MCC: variants seen among roughly 807,000 people sequenced by gnomAD.
MCC encodes colorectal mutant cancer protein.
A neutral mutation model predicts 116.2 loss-of-function variants in MCC; 90 were observed. The ratio of observed to expected loss-of-function variants is 0.77; its 90% confidence interval spans 0.65 to 0.92. The LOEUF (loss-of-function observed/expected upper bound fraction) is 0.92, where lower values mean the gene tolerates loss of function less well. MCC is among the 40% of genes least tolerant of loss of function. The pLI is 0.00. For synonymous variants in MCC, 578 were observed against 510.5 expected, an observed-to-expected ratio of 1.13 and a Z score of -1.78; for missense variants, 1,516 against 1,312.2, an observed-to-expected ratio of 1.16 and a Z score of -2.40.
At chr5:113,047,893 C>T (rs1187565333) in intron 16 of MCC, among the ~76,000 whole-genome samples, 1 of 152,000 alleles carries the variant, frequency 6.6e-6, no homozygotes, top group East Asian at 1.9e-4. Flanking sequence ...ATTCTATCAC[C>T]AGACAGCCTG....
At chr5:113,196,127 G>A (rs1762392360) in intron 3 of MCC, among the ~76,000 whole-genome samples, 1 of 152,232 alleles carries the variant, frequency 6.6e-6, no homozygotes, top group African/African-American at 2.4e-5. Context: ...CATGCTGGGA[G>A]TCACTTCTAT....
Position 113,214,395 on chromosome 5 carries a change from G to A in MCC, c.628-62973C>T, listed in dbSNP as rs563019934. ...AACTCCATGAACTGAGTTGCCTTGCGTGTTCATTCGCTGCGCTCCTATACT... is the reference window on the plus strand; with the variant it reads ...AACTCCATGAACTGAGTTGCCTTGCATGTTCATTCGCTGCGCTCCTATACT... On this transcript the variant is annotated intron_variant, in intron 3 of 18. Transcript: ENST00000408903. Among the ~76,000 whole-genome samples, 9 of 152,310 alleles carry A rather than the reference G, an allele frequency of 5.9e-5. No individual in the cohort carries two copies. In the South Asian group the frequency reaches 8.3e-4, roughly 14 times the overall value.
In MCC at chr5:113,202,502, A is replaced by C. The variant is rs1581246962; in HGVS notation, c.628-51080T>G. 2.0e-5 allele frequency among the ~76,000 whole-genome samples: 3 copies of C among 152,156 alleles called. No individual in the cohort carries two copies. In the East Asian group the frequency reaches 5.8e-4, roughly 29 times the overall value. On this transcript the variant is annotated intron_variant, in intron 3 of 18. Transcript: ENST00000408903. ...AATACGTACATAGTTAGCCTACAGG[A>C]TCATCACTGTCATTCTTTTGGACAT...
intron 3 of MCC, chr5:113,294,548 A>T: frequency 7.2e-7 from 1 of 1,396,324 alleles, no homozygotes; most frequent in Non-Finnish European, 9.3e-7. Context: ...GGATGCAGGC[A>T]CTCTTAAAAA....
intron 16 of MCC, chr5:113,044,567 A>T (rs1264219224): frequency 1.4e-6 from 1 of 737,074 alleles, no homozygotes; most frequent in African/African-American, 1.9e-5. Context: ...TGGAATGTAA[A>T]CAGATATTTT....
chr5:113,110,563 C>T (rs1249904872), intron 6 of MCC, among the ~76,000 whole-genome samples: 1 of 152,182 alleles, frequency 6.6e-6, no homozygotes, highest in African/African-American at 2.4e-5. Context: ...CTTATGTTAA[C>T]CTTCAGTTAA....
At chr5:113,264,518 C>T (rs1765343175) in intron 3 of MCC, among the ~76,000 whole-genome samples, 1 of 152,116 alleles carries the variant, frequency 6.6e-6, no homozygotes. Flanking sequence ...TCAATGAGAG[C>T]TATTCTCATC....
intron 1 of MCC, among the ~76,000 whole-genome samples, chr5:113,484,936 G>A (rs542369452): frequency 2.0e-5 from 3 of 152,130 alleles, no homozygotes; most frequent in Non-Finnish European, 4.4e-5. Context: ...AAGAGCTTAC[G>A]GTGGTCTCAC....
intron 1 of MCC, among the ~76,000 whole-genome samples, chr5:113,429,318 G>C (rs569321583): frequency 6.6e-6 from 1 of 151,978 alleles, no homozygotes. Flanking sequence ...GCCATGTGAG[G>C]GCACAGGGAG....
At chr5:113,148,525 T>G (rs191480037) in intron 4 of MCC, among the ~76,000 whole-genome samples, 2 of 152,342 alleles carry the variant, frequency 1.3e-5, no homozygotes, top group Admixed American at 1.3e-4. Flanking sequence ...ATCATGGCAC[T>G]ATAATATTTA....
Position 113,476,998 on chromosome 5 carries a change from T to C in MCC, c.170+11247A>G, listed in dbSNP as rs925625908. Among the ~76,000 whole-genome samples, 5 of 152,212 alleles carry C rather than the reference T, an allele frequency of 3.3e-5. No individual in the cohort carries two copies. In the East Asian group the frequency reaches 7.7e-4, roughly 24 times the overall value. ...ATGACCTTCATTTGTTAAACATGAG[T>C]TTGAATTCAGGTCCTACTAACTGTG... On this transcript the variant is annotated intron_variant, in intron 1 of 18. Transcript: ENST00000408903.
At chr5:113,099,895 C>T (rs1206478759) in intron 8 of MCC, among the ~76,000 whole-genome samples, 3 of 152,194 alleles carry the variant, frequency 2.0e-5, no homozygotes, top group African/African-American at 7.2e-5. Context: ...AAAACATGCA[C>T]CATCAGAATG....
At chr5:113,463,246 T>G (rs1368300291) in intron 1 of MCC, among the ~76,000 whole-genome samples, 7 of 152,062 alleles carry the variant, frequency 4.6e-5, no homozygotes, top group Non-Finnish European at 8.8e-5. Context: ...GGTTAAGAAT[T>G]ATGACTCACT....
At chr5:113,481,534 C>T (rs1436809612) in intron 1 of MCC, among the ~76,000 whole-genome samples, 3 of 151,910 alleles carry the variant, frequency 2.0e-5, no homozygotes, top group Non-Finnish European at 4.4e-5. Flanking sequence ...GTCAGGAGTT[C>T]GAGACCAGCC....
At chr5:113,234,633 A>T (rs1451391576) in intron 3 of MCC, 1 of 152,228 alleles carries the variant, frequency 6.6e-6, no homozygotes, top group Non-Finnish European at 1.5e-5. Context: ...AAAAATACAG[A>T]AAAACAGAGA....
Position 113,083,390 on chromosome 5 carries a change from G to C in MCC, c.1636-382C>G, listed in dbSNP as rs141897870. Among the ~76,000 whole-genome samples the C allele has an allele frequency of 6.6e-5, 10 of 152,180 alleles. No homozygotes were observed. The East Asian group carries it at 1.9e-3, about 29-fold the overall frequency. ...TTTTGGTTTCTGTAGCCCAGGAGAG[G>C]GGCTGACTCCTTCATTTTCACAATT... On this transcript the variant is annotated intron_variant, in intron 10 of 18. Coordinates refer to ENST00000408903, the MANE Select transcript of MCC (RefSeq NM_001085377.2).
chr5:113,294,219 G>C, intron 3 of MCC: 2 of 1,350,038 alleles, frequency 1.5e-6, no homozygotes, highest in Non-Finnish European at 2.0e-6. Context: ...CCTCCAGACT[G>C]GGAGCACAGG....
At chr5:113,148,834 T>C (rs1487462729) in intron 4 of MCC, among the ~76,000 whole-genome samples, 1 of 152,028 alleles carries the variant, frequency 6.6e-6, no homozygotes, top group Non-Finnish European at 1.5e-5. Flanking sequence ...AGAATGCAAA[T>C]AAGAGAGTCA....
chr5:113,293,221 A>C (rs1316121878), intron 3 of MCC, among the ~76,000 whole-genome samples: 3 of 137,174 alleles, frequency 2.2e-5, no homozygotes, highest in Non-Finnish European at 3.2e-5. Flanking sequence ...CCTCTTTCCC[A>C]TCACCAGGTG....
Sources: allele counts gnomAD v4.1 joint callset (sites outside exome capture counted in the v4.1 genomes callset), GRCh38; gene constraint gnomAD v4.1.1; transcripts MANE v1.5; gene names NCBI Gene and HGNC (gene_info 2026-07-23, HGNC 2026-07-21).